Variants in ZMYND11 observed in about 807,000 individuals in gnomAD.
ZMYND11 encodes the protein zinc finger MYND-type containing 11, also known as zinc finger MYND domain-containing protein 11.
Under a neutral mutation model 84.9 loss-of-function variants are expected in ZMYND11, and 9 were observed. The ratio of observed to expected loss-of-function variants is 0.11; its 90% CI spans 0.06 to 0.18. The LOEUF is 0.18. Among genes scored for constraint, ZMYND11 ranks in the 10% least tolerant of loss-of-function variants. The probability of loss-of-function intolerance (pLI) is 1.00; values close to 1 mark genes in which losing one functional copy is unlikely to be tolerated. For missense variants in ZMYND11, 409 were observed against 761.0 expected (o/e 0.54, Z 5.44); for synonymous variants, 250 against 244.1 (o/e 1.02, Z -0.23).
chr10:156,946 C>A (rs1841855777), intron 1 of ZMYND11, among the ~76,000 whole-genome samples: 1 of 152,150 alleles, frequency 6.6e-6, no homozygotes, highest in Non-Finnish European at 1.5e-5. Flanking sequence ...GTCTTATGTT[C>A]TTTGATATTT....
chr10:192,329 C>T (rs963084597), intron 2 of ZMYND11, among the ~76,000 whole-genome samples: 7 of 152,188 alleles, frequency 4.6e-5, no homozygotes, highest in African/African-American at 1.7e-4. Flanking sequence ...TCATTTGGCT[C>T]CTCCTGCAGC....
intron 2 of ZMYND11, among the ~76,000 whole-genome samples, chr10:187,886 G>A (rs1295264604): frequency 1.3e-5 from 2 of 152,100 alleles, no homozygotes; most frequent in Non-Finnish European, 2.9e-5. Context: ...GCCTATCAGC[G>A]AAAACATTTT....
chr10:208,812 C>G lies in ZMYND11; in HGVS notation c.117-1077C>G, dbSNP rs538554445. Among the ~76,000 whole-genome samples the G allele has an allele frequency of 3.9e-5, 6 of 152,236 alleles. No homozygotes were observed. The South Asian group carries it at 1.0e-3, about 26-fold the overall frequency. ...GAAGGTGGGAGCTAGTCCAAACATG[C>G]TAGTTTTGTCACCCTTATTTCCTTG... On this transcript the variant is annotated intron_variant, in intron 2 of 14. Transcript: ENST00000381604.
Position 182,519 on chromosome 10 carries a change from G to T in ZMYND11, c.116+2391G>T, listed in dbSNP as rs1848095819. ...CTCATCTAAAGATGAAAAAGAAAAA[G>T]AAAGAATCAGAGGTTAAGTGCTTAA... On this transcript the variant is annotated intron_variant, in intron 2 of 14. Transcript: ENST00000381604. Among the ~76,000 whole-genome samples the T allele has an allele frequency of 2.1e-5, 3 of 145,258 alleles. No homozygotes were observed. In the Admixed American group the frequency reaches 2.1e-4, roughly 10 times the overall value.
At chr10:177,251 T>C (rs1846850232) in intron 1 of ZMYND11, among the ~76,000 whole-genome samples, 2 of 152,208 alleles carry the variant, frequency 1.3e-5, no homozygotes, top group South Asian at 4.1e-4. Flanking sequence ...ATGGGTCAAG[T>C]TGTTTTTGGT....
At chr10:166,237 AT>A (rs1843988498) in intron 1 of ZMYND11, among the ~76,000 whole-genome samples, 1 of 152,172 alleles carries the variant, frequency 6.6e-6, no homozygotes, top group Non-Finnish European at 1.5e-5. Flanking sequence ...AAAAGAAAAA[AT>A]AGTTAAGTTA....
At chr10:158,991 G>GTT (rs71374342) in intron 1 of ZMYND11, among the ~76,000 whole-genome samples, 11 of 58,608 alleles carry the variant, frequency 1.9e-4, no homozygotes, top group African/African-American at 6.2e-4. Flanking sequence ...TTTGTTTTTT[G>GTT]TTTTTTTTTT....
rs763216882 is a variant in ZMYND11 at position 248,575 on chromosome 10, G to T, written c.1467G>T (p.Glu489Asp). 74 of 1,612,202 alleles carry T rather than the reference G, an allele frequency of 4.6e-5. No homozygotes were observed. Among genetic ancestry groups the T allele is most frequent in the Non-Finnish European group, 6.1e-5 (72 of 1,179,692 alleles). Residue 489 changes from glutamate to aspartate, a missense_variant, in exon 13 of 15, where the codon GAG becomes GAT. Coordinates refer to ENST00000381604, the MANE Select transcript of ZMYND11 (RefSeq NM_001370100.5). ...GGATGAAGTCGGACCACAAGCGGGA[G>T]ACAGAGCGTGTTGTCCGAGAAGCTC... ...KDRMKSDHKR[E>D]TERVVREALE...
chr10:137,777 G>T (rs1357800507), intron 1 of ZMYND11, among the ~76,000 whole-genome samples: 2 of 152,040 alleles, frequency 1.3e-5, no homozygotes, highest in African/African-American at 2.4e-5. Context: ...GTTATTTTTG[G>T]TTGACTCATC....
At chr10:225,788 A>G (rs1176081807) in intron 4 of ZMYND11, among the ~76,000 whole-genome samples, 1 of 152,218 alleles carries the variant, frequency 6.6e-6, no homozygotes, top group Non-Finnish European at 1.5e-5. Flanking sequence ...CTGGCTTGCA[A>G]GCCTGCTGGT....
chr10:223,178 T>C (rs1403526210), intron 4 of ZMYND11, among the ~76,000 whole-genome samples: 1 of 152,118 alleles, frequency 6.6e-6, no homozygotes, highest in East Asian at 1.9e-4. Flanking sequence ...TACAGGTGCG[T>C]GCCACCACAC....
chr10:219,733 TG>T (rs1946797882), intron 3 of ZMYND11, among the ~76,000 whole-genome samples: 1 of 152,162 alleles, frequency 6.6e-6, no homozygotes, highest in Admixed American at 6.6e-5. Flanking sequence ...CAGGGTTTTA[TG>T]TAAAAATCAG....
intron 1 of ZMYND11, among the ~76,000 whole-genome samples, chr10:141,916 T>A (rs143494546): frequency 6.6e-6 from 1 of 152,370 alleles, no homozygotes; most frequent in African/African-American, 2.4e-5. Context: ...ATATTAGCTC[T>A]CATAACTCGG....
chr10:240,818 ACATGG>A, intron 8 of ZMYND11, 70 bp from the exon 9 acceptor site: 1 of 1,086,108 alleles, frequency 9.2e-7, no homozygotes, highest in South Asian at 1.4e-5. Flanking sequence ...ATGTTAATTT[ACATGG>A]ATACATTTTA....
intron 1 of ZMYND11, among the ~76,000 whole-genome samples, chr10:177,450 A>C (rs1588676621): frequency 6.6e-6 from 1 of 152,126 alleles, no homozygotes; most frequent in East Asian, 1.9e-4. Flanking sequence ...TTTGATTTTT[A>C]ACTTCACACC....
intron 1 of ZMYND11, among the ~76,000 whole-genome samples, chr10:146,026 G>C (rs1298184942): frequency 6.6e-6 from 1 of 152,120 alleles, no homozygotes; most frequent in Non-Finnish European, 1.5e-5. Flanking sequence ...TTAGATTTAA[G>C]TATTTAATCC....
chr10:215,174 TTGAGGA>T (rs1401796753), intron 3 of ZMYND11, among the ~76,000 whole-genome samples: 2 of 152,240 alleles, frequency 1.3e-5, no homozygotes, highest in Non-Finnish European at 2.9e-5. Flanking sequence ...GTCAAGAGTG[TTGAGGA>T]TGACTTAAAA....
At chr10:234,029 G>T (rs1050831153) in intron 4 of ZMYND11, among the ~76,000 whole-genome samples, 2 of 152,164 alleles carry the variant, frequency 1.3e-5, no homozygotes, top group African/African-American at 4.8e-5. Context: ...ACATGAACAA[G>T]TGTTACCTAA....
chr10:176,313 G>C (rs992323600), intron 1 of ZMYND11, among the ~76,000 whole-genome samples: 4 of 151,738 alleles, frequency 2.6e-5, no homozygotes, highest in Non-Finnish European at 5.9e-5. Context: ...GAGAATCATG[G>C]TCTACTTTTA....
Sources: gnomAD v4.1 joint callset for allele counts (sites outside exome capture counted in the v4.1 genomes callset) on GRCh38, gnomAD v4.1.1 for gene constraint, MANE v1.5 for transcripts, NCBI Gene and HGNC (gene_info 2026-07-23, HGNC 2026-07-21) for gene names.